Variants in RLIG1 observed in about 807,000 individuals in gnomAD.
RLIG1 encodes the protein RNA ligase 1.
chr12:88,035,762 T>G, the RLIG1 span: 1 of 1,570,882 alleles, frequency 6.4e-7, no homozygotes, highest in East Asian at 2.4e-5. Flanking sequence ...CCGGGCAGGC[T>G]TGGCGGCCCG....
the RLIG1 span, chr12:88,035,790 G>C: frequency 6.4e-7 from 1 of 1,555,184 alleles, no homozygotes; most frequent in Non-Finnish European, 8.7e-7. Flanking sequence ...TCCTCCCCGC[G>C]GCGCTGGCTC....
At chr12:88,048,172 A>G in the RLIG1 span, 1 of 1,314,526 alleles carries the variant, frequency 7.6e-7, no homozygotes, top group Middle Eastern at 2.5e-4. Context: ...GCACTCAAAT[A>G]TTTCTAAGTG....
chr12:88,035,601 C>G, the RLIG1 span: 3 of 1,549,072 alleles, frequency 1.9e-6, no homozygotes, highest in South Asian at 1.2e-5. Flanking sequence ...CTGGACCGGG[C>G]GCCGCTCGAA....
chr12:88,042,914 C>G, the RLIG1 span: 11 of 1,548,182 alleles, frequency 7.1e-6, no homozygotes, highest in Non-Finnish European at 9.5e-6. Flanking sequence ...AAAAGAAAAC[C>G]CAAAAGGTTA....
chr12:88,043,833 A>G, the RLIG1 span: 1 of 697,988 alleles, frequency 1.4e-6, no homozygotes, highest in South Asian at 1.8e-5. Context: ...TATAGCACAG[A>G]ATTTCTGAAT....
At chr12:88,040,250 G>A in the RLIG1 span, 1 of 1,557,332 alleles carries the variant, frequency 6.4e-7, no homozygotes, top group African/African-American at 1.4e-5. Flanking sequence ...ATGTTGTTAT[G>A]TTACTACCTA....
chr12:88,039,432 T>C, the RLIG1 span, among the ~76,000 whole-genome samples: 1 of 152,216 alleles, frequency 6.6e-6, no homozygotes, highest in Admixed American at 6.5e-5. Context: ...ATACTTGTAT[T>C]GAACTACCAG....
At chr12:88,044,261 G>A in the RLIG1 span, 1 of 152,786 alleles carries the variant, frequency 6.5e-6, no homozygotes, top group Non-Finnish European at 1.5e-5. Context: ...GTTGGACTGT[G>A]ACCTTGTCTC....
chr12:88,049,798 CCTTA>C, the RLIG1 span: 1 of 156,010 alleles, frequency 6.4e-6, no homozygotes, highest in African/African-American at 2.5e-5. Context: ...TTTATATTTT[CCTTA>C]CTAATATCTA....
the RLIG1 span, among the ~76,000 whole-genome samples, chr12:88,036,735 C>T: frequency 1.3e-5 from 2 of 152,220 alleles, no homozygotes; most frequent in African/African-American, 4.8e-5. Context: ...CTGCTCATTG[C>T]ACCACCTAAC....
At chr12:88,049,345 G>T in the RLIG1 span, 1 of 1,580,060 alleles carries the variant, frequency 6.3e-7, no homozygotes, top group Non-Finnish European at 8.6e-7. Context: ...TTATACTTAA[G>T]ATCTTCAATT....
chr12:88,050,071 G>T, the RLIG1 span: 1 of 234,030 alleles, frequency 4.3e-6, no homozygotes. Context: ...AAAAAATAAA[G>T]ACACTGTTGC....
chr12:88,049,236 G>C, the RLIG1 span: 1 of 1,608,642 alleles, frequency 6.2e-7, no homozygotes, highest in South Asian at 1.1e-5. Flanking sequence ...AAACTCTTCA[G>C]AAGCAGCAAC....
the RLIG1 span, chr12:88,042,735 C>T: frequency 2.7e-6 from 2 of 748,268 alleles, no homozygotes; most frequent in Non-Finnish European, 4.0e-6. Flanking sequence ...AGAAATTAGC[C>T]TCCTGTTTGT....
chr12:88,035,908 A>G, the RLIG1 span: 1 of 1,506,952 alleles, frequency 6.6e-7, no homozygotes, highest in Non-Finnish European at 8.8e-7. Context: ...GTACGCCCTG[A>G]GCTCCAGGTT....
chr12:88,047,053 T>C, the RLIG1 span: 4 of 1,336,934 alleles, frequency 3.0e-6, no homozygotes, highest in Non-Finnish European at 4.0e-6. Flanking sequence ...ACTAAAATTC[T>C]CTCTACAAAT....
chr12:88,042,886 T>C, the RLIG1 span: 2 of 1,573,502 alleles, frequency 1.3e-6, no homozygotes, highest in South Asian at 2.4e-5. Context: ...AAAAAAGATT[T>C]AAAAATTTTC....
chr12:88,045,416 A>T, the RLIG1 span: 2 of 597,078 alleles, frequency 3.3e-6, no homozygotes. Flanking sequence ...ATGATTTTTT[A>T]AAAAGTAATA....
the RLIG1 span, chr12:88,035,779 C>T: frequency 6.4e-7 from 1 of 1,557,830 alleles, no homozygotes; most frequent in Admixed American, 1.9e-5. Flanking sequence ...CCCGCGTGGG[C>T]TCCTCCCCGC....
Sources: allele counts gnomAD v4.1 joint callset (sites outside exome capture counted in the v4.1 genomes callset), GRCh38; gene constraint gnomAD v4.1.1; transcripts MANE v1.5; gene names NCBI Gene and HGNC (gene_info 2026-07-23, HGNC 2026-07-21).